DCLK1: variants seen among roughly 807,000 people sequenced by gnomAD.
The protein encoded by DCLK1 is doublecortin like kinase 1.
In DCLK1, 16 loss-of-function variants were observed where a neutral mutation model predicts 86.2. That is an observed-to-expected ratio of 0.19 (90% CI 0.13 to 0.28). The LOEUF (loss-of-function observed/expected upper bound fraction) is 0.28. Among genes scored for constraint, DCLK1 ranks in the 10% least tolerant of loss-of-function variants. The pLI, the probability that DCLK1 is intolerant of heterozygous loss-of-function variation, is 1.00. For synonymous variants in DCLK1, 369 were observed against 370.5 expected (o/e 1.00, Z 0.05); for missense variants, 590 against 940.2 (o/e 0.63, Z 4.87).
At chr13:35,906,849 A>G (rs1874715280) in intron 4 of DCLK1, among the ~76,000 whole-genome samples, 1 of 152,184 alleles carries the variant, frequency 6.6e-6, no homozygotes, top group Non-Finnish European at 1.5e-5. Context: ...GTGAAACTTG[A>G]TTATGCAAAT....
chr13:35,946,256 G>A (rs1055763675), intron 4 of DCLK1, among the ~76,000 whole-genome samples: 1 of 152,080 alleles, frequency 6.6e-6, no homozygotes, highest in Non-Finnish European at 1.5e-5. Context: ...TGCCCACCTT[G>A]GCCTCCCAAA....
chr13:35,815,812 A>G (rs965645733), intron 11 of DCLK1, among the ~76,000 whole-genome samples: 1 of 152,230 alleles, frequency 6.6e-6, no homozygotes, highest in African/African-American at 2.4e-5. Context: ...CTGGAAAAAC[A>G]TAATAAAAAA....
At chr13:35,933,727 A>G (rs1876588622) in intron 4 of DCLK1, among the ~76,000 whole-genome samples, 1 of 152,194 alleles carries the variant, frequency 6.6e-6, no homozygotes, top group Admixed American at 6.5e-5. Flanking sequence ...CCAGGCCACA[A>G]AACCCCTTTT....
intron 11 of DCLK1, among the ~76,000 whole-genome samples, chr13:35,811,810 G>A (rs1263512787): frequency 1.3e-5 from 2 of 151,570 alleles, no homozygotes; most frequent in Admixed American, 1.3e-4. Flanking sequence ...CTCCAGCCTG[G>A]GCAACAAGAG....
chr13:36,128,354 A>C (rs139448422), intron 1 of DCLK1, among the ~76,000 whole-genome samples: 38 of 152,272 alleles, frequency 2.5e-4, no homozygotes, highest in African/African-American at 8.9e-4. Flanking sequence ...ATTATAACTG[A>C]GGGGTTGAGA....
intron 3 of DCLK1, among the ~76,000 whole-genome samples, chr13:35,988,576 A>G (rs1175964250): frequency 6.6e-6 from 1 of 152,220 alleles, no homozygotes; most frequent in Non-Finnish European, 1.5e-5. Flanking sequence ...TAAAAGTCCC[A>G]AAGAATGGTC....
chr13:36,123,181 T>A (rs558603610), intron 2 of DCLK1, among the ~76,000 whole-genome samples: 1 of 152,214 alleles, frequency 6.6e-6, no homozygotes, highest in South Asian at 2.1e-4. Flanking sequence ...AAAATTAGTA[T>A]GTAAAGTCAG....
chr13:35,952,481 A>G (rs1036075766), intron 3 of DCLK1, among the ~76,000 whole-genome samples: 23 of 152,224 alleles, frequency 1.5e-4, no homozygotes, highest in Admixed American at 3.3e-4. Flanking sequence ...ATTTGTAAGC[A>G]TATTCACCTG....
At position 36,027,006 on chromosome 13, in the gene DCLK1, A is replaced by AT. The variant is rs1882061784; in HGVS notation, c.724-79550dup. Among the ~76,000 whole-genome samples, 8 of 152,266 alleles carry AT rather than the reference A, an allele frequency of 5.3e-5. No individual in the cohort carries two copies. In the South Asian group the frequency reaches 1.4e-3, roughly 28 times the overall value. ...AAAAGATATTAAAATTCTTTTATTG[A>AT]TTTTTTTCTAACTTCTCTGTTTCAA... On this transcript the variant is annotated intron_variant, in intron 3 of 16. Coordinates refer to ENST00000360631, the MANE Select transcript of DCLK1 (RefSeq NM_001330071.2).
chr13:36,113,190 A>T (rs1885672591), intron 2 of DCLK1, among the ~76,000 whole-genome samples: 1 of 152,230 alleles, frequency 6.6e-6, no homozygotes, highest in Admixed American at 6.5e-5. Context: ...CAGCCCATTG[A>T]CTTTTATCTA....
rs1263869919 is a variant in DCLK1 at position 36,060,037 on chromosome 13, AATTTTGT to A, written c.723+51825_723+51831del. ...CAGGTGAACACCACCAAGCCCGGCT[AATTTTGT>A]ATTTTTAGTAGAGATGGGGTTTCAC... On this transcript the variant is annotated intron_variant, in intron 3 of 16. Coordinates refer to ENST00000360631, the MANE Select transcript of DCLK1 (RefSeq NM_001330071.2). 2.6e-5 allele frequency among the ~76,000 whole-genome samples: 4 copies of A among 151,982 alleles called. No homozygotes were observed. In the East Asian group the frequency reaches 7.8e-4, roughly 30 times the overall value.
intron 4 of DCLK1, among the ~76,000 whole-genome samples, chr13:35,920,453 C>A (rs1202755600): frequency 6.6e-6 from 1 of 152,092 alleles, no homozygotes; most frequent in African/African-American, 2.4e-5. Context: ...AATAGCAAAA[C>A]CAAAAGCTTG....
chr13:36,092,647 C>T (rs1005438741), intron 3 of DCLK1, among the ~76,000 whole-genome samples: 16 of 151,428 alleles, frequency 1.1e-4, no homozygotes, highest in Non-Finnish European at 1.9e-4. Flanking sequence ...CCACCACGCC[C>T]GGCTAATTTT....
chr13:36,046,310 A>G (rs1303763409), intron 3 of DCLK1, among the ~76,000 whole-genome samples: 1 of 152,222 alleles, frequency 6.6e-6, no homozygotes, highest in Non-Finnish European at 1.5e-5. Flanking sequence ...ATCCAACAGC[A>G]TCTGAGTTAA....
At chr13:35,813,630 C>T (rs529454051) in intron 11 of DCLK1, among the ~76,000 whole-genome samples, 15 of 151,276 alleles carry the variant, frequency 9.9e-5, no homozygotes, top group South Asian at 6.3e-4. Context: ...AATAAGTCTA[C>T]GAAAATGAAA....
chr13:36,114,233 C>G (rs1212094919), intron 2 of DCLK1, among the ~76,000 whole-genome samples: 2 of 151,846 alleles, frequency 1.3e-5, no homozygotes, highest in Non-Finnish European at 2.9e-5. Context: ...GATAAAGCAC[C>G]CTGAAAATGT....
intron 16 of DCLK1, among the ~76,000 whole-genome samples, chr13:35,785,528 G>C (rs2086605503): frequency 6.6e-6 from 1 of 152,070 alleles, no homozygotes; most frequent in Admixed American, 6.5e-5. Flanking sequence ...GCAGCTCTCT[G>C]GTATGAGGCT....
At chr13:36,011,856 GAGTCTA>G (rs1338588813) in intron 3 of DCLK1, among the ~76,000 whole-genome samples, 1 of 149,800 alleles carries the variant, frequency 6.7e-6, no homozygotes, top group Admixed American at 6.6e-5. Flanking sequence ...TAATGTGTAG[GAGTCTA>G]AGTCTCTTTG....
At chr13:35,988,489 G>A (rs1302246911) in intron 3 of DCLK1, among the ~76,000 whole-genome samples, 1 of 152,076 alleles carries the variant, frequency 6.6e-6, no homozygotes, top group Non-Finnish European at 1.5e-5. Context: ...TGTTGGGGGA[G>A]GGAAAAAGTG....
Sources: gnomAD v4.1 joint callset for allele counts (sites outside exome capture counted in the v4.1 genomes callset) on GRCh38, gnomAD v4.1.1 for gene constraint, MANE v1.5 for transcripts, NCBI Gene and HGNC (gene_info 2026-07-23, HGNC 2026-07-21) for gene names.